Variants in MYOM1 observed in about 807,000 individuals in gnomAD.
MYOM1 encodes the protein myomesin 1, also known as myomesin-1.
In MYOM1, 164 loss-of-function variants were observed where a neutral mutation model predicts 205.3. The observed-to-expected ratio is 0.80, with a 90% CI of 0.70 to 0.91. MYOM1 has a LOEUF of 0.91. Among genes scored for constraint, MYOM1 ranks in the 40% least tolerant of loss-of-function variants. MYOM1 has a pLI of 0.00. For synonymous variants in MYOM1, 772 were observed against 789.4 expected (o/e 0.98, Z 0.37); for missense variants, 2,011 against 2,127.3 (o/e 0.95, Z 1.08).
At chr18:3,190,977 A>G (rs920289838) in intron 3 of MYOM1, among the ~76,000 whole-genome samples, 7 of 151,962 alleles carry the variant, frequency 4.6e-5, no homozygotes, top group South Asian at 4.2e-4. Context: ...CTAAACTTCG[A>G]AAAAAAACTA....
intron 2 of MYOM1, among the ~76,000 whole-genome samples, chr18:3,194,482 T>C (rs2080966153): frequency 1.3e-5 from 2 of 152,226 alleles, no homozygotes; most frequent in Non-Finnish European, 2.9e-5. Context: ...ACATATTTTA[T>C]GGGAACACAC....
chr18:3,220,535 G>A (rs1168377125), upstream of MYOM1, among the ~76,000 whole-genome samples: 2 of 152,122 alleles, frequency 1.3e-5, no homozygotes, highest in South Asian at 2.1e-4. Flanking sequence ...CTTTTGAGAC[G>A]CAACTCAGTG....
Position 3,086,160 on chromosome 18 carries a change from A to T in MYOM1, c.4138-9T>A, listed in dbSNP as rs1237392646. 1 of 1,527,118 alleles carries T rather than the reference A, an allele frequency of 6.5e-7. No homozygotes were observed. The highest frequency in any genetic ancestry group is 2.3e-5 in the East Asian group (1 of 44,136). The allele number at this position is 1,527,118 out of a possible 1,614,324, so 94.6% of individuals were successfully genotyped here. On this transcript the variant is annotated splice_polypyrimidine_tract_variant and intron_variant, in intron 29 of 37. Transcript: ENST00000356443. ...TTCTTAATATTTGCCACCTAGGAGA[A>T]AAACCATAATTACTTTTCTTAAAAT... is the stretch of plus-strand genomic sequence containing the variant.
Position 3,129,363 on chromosome 18 carries a change from G to A in MYOM1, c.2663C>T (p.Ser888Phe). 1 of 1,613,980 alleles carries A rather than the reference G, an allele frequency of 6.2e-7. No homozygotes were observed. Among genetic ancestry groups the A allele is most frequent in the Non-Finnish European group, 8.5e-7 (1 of 1,179,898 alleles). Residue 888 changes from serine to phenylalanine, a missense_variant, in exon 18 of 38, where the codon TCT becomes TTT. Transcript: ENST00000356443. ...CACTTCTGTTTGGCCCAGGTTTTGA[G>A]AGCTACTGGGTAGTGAAGGTTTGTT... is the stretch of plus-strand genomic sequence containing the variant. ...KPNKPSLPSSSQNLGQTEVSK... is the reference protein window; with the variant it reads ...KPNKPSLPSSFQNLGQTEVSK...
intron 8 of MYOM1, among the ~76,000 whole-genome samples, chr18:3,173,594 G>C (rs887326482): frequency 6.6e-6 from 1 of 151,564 alleles, no homozygotes; most frequent in Non-Finnish European, 1.5e-5. Flanking sequence ...GTGTGTGTGT[G>C]TGTGTGTGTG....
intron 10 of MYOM1, among the ~76,000 whole-genome samples, chr18:3,162,585 A>C (rs2080407551): frequency 6.6e-6 from 1 of 152,058 alleles, no homozygotes; most frequent in African/African-American, 2.4e-5. Flanking sequence ...CCTCTACTAG[A>C]TCTCTTCTTA....
intron 8 of MYOM1, 45 bp downstream of exon 8, chr18:3,173,893 A>T: frequency 6.4e-7 from 1 of 1,553,468 alleles, no homozygotes; most frequent in Non-Finnish European, 8.9e-7. Flanking sequence ...ATTATGCCAT[A>T]TTTTACATAG....
chr18:3,070,892 G>C (rs997925539), intron 37 of MYOM1, among the ~76,000 whole-genome samples: 2 of 151,818 alleles, frequency 1.3e-5, no homozygotes, highest in Non-Finnish European at 2.9e-5. Context: ...CCGAGTAGCT[G>C]GGACTACAGG....
chr18:3,246,735 G>A, the MYOM1 span: 8 of 152,286 alleles, frequency 5.3e-5, no homozygotes, highest in African/African-American at 7.2e-5. Context: ...ACTTCAGAAG[G>A]GTTCTGGCCA....
rs773389853 is a variant in MYOM1 at position 3,130,039 on chromosome 18, G to A, written c.2507-520C>T. ...CATTATAAGGAATCTTCCTTCCTTC[G>A]TTTTCTTTCTTCTTTTTTTTTTTTT... On this transcript the variant is annotated intron_variant, in intron 17 of 37. Transcript: ENST00000356443. Among the ~76,000 whole-genome samples the A allele has an allele frequency of 5.3e-5, 8 of 151,142 alleles. No individual in the cohort carries two copies. The East Asian group carries it at 5.8e-4, about 11-fold the overall frequency.
intron 18 of MYOM1, among the ~76,000 whole-genome samples, chr18:3,127,305 A>ATATTTTTTTTTTTTTT (rs56880961): frequency 2.1e-5 from 1 of 47,580 alleles, no homozygotes; most frequent in Non-Finnish European, 3.6e-5. Flanking sequence ...ATATATATAT[A>ATATTTTTTTTTTTTTT]TTTTTTTTTT....
intron 2 of MYOM1, among the ~76,000 whole-genome samples, chr18:3,198,308 T>A (rs2081019245): frequency 6.6e-6 from 1 of 152,210 alleles, no homozygotes; most frequent in Admixed American, 6.5e-5. Flanking sequence ...CTCCGCTGAC[T>A]GTGCCACCAA....
Position 3,150,185 on chromosome 18 carries a change from G to C in MYOM1, c.1844-984C>G, listed in dbSNP as rs962453289. ...AATGATTCTCCTGCCTCAGCCTCCC[G>C]AGTAGCTGGGATTACAGGCGCCCGC... On this transcript the variant is annotated intron_variant, in intron 12 of 37. Transcript: ENST00000356443. 3.9e-5 allele frequency among the ~76,000 whole-genome samples: 6 copies of C among 152,068 alleles called. No homozygotes were observed. The South Asian group carries it at 8.3e-4, about 21-fold the overall frequency.
chr18:3,150,205 G>A (rs1272237282), intron 12 of MYOM1, among the ~76,000 whole-genome samples: 3 of 151,982 alleles, frequency 2.0e-5, no homozygotes, highest in Non-Finnish European at 4.4e-5. Context: ...GATTACAGGC[G>A]CCCGCCACCA....
rs1241920775 is a variant in MYOM1, at chr18:3,127,282, C to CATATAT, written c.2795-391_2795-386dup. Among the ~76,000 whole-genome samples the CATATAT allele has an allele frequency of 3.3e-3, 196 of 59,468 alleles. 2 individuals carry two copies. Among genetic ancestry groups the CATATAT allele is most frequent in the East Asian group, 0.013 (16 of 1,206 alleles). 39.0% of individuals were successfully genotyped at this position (59,468 alleles called of 152,430 possible). The stretch of plus-strand genomic sequence containing the variant: ...CTGCAATTTGCTTATTCAGAATTTC[C>CATATAT]ATATATATATATATATATATATATT... On this transcript the variant is annotated intron_variant, in intron 18 of 37. Coordinates refer to ENST00000356443, the MANE Select transcript of MYOM1 (RefSeq NM_003803.4).
chr18:3,178,547 T>C (rs974811297), intron 5 of MYOM1, among the ~76,000 whole-genome samples: 1 of 152,218 alleles, frequency 6.6e-6, no homozygotes, highest in Non-Finnish European at 1.5e-5. Flanking sequence ...AGTCAGCTCC[T>C]TCCTTTCCCC....
chr18:3,070,736 T>TGTG (rs2078949184), intron 37 of MYOM1, among the ~76,000 whole-genome samples: 1 of 146,102 alleles, frequency 6.8e-6, no homozygotes, highest in Admixed American at 6.9e-5. Flanking sequence ...TGCATGTTCT[T>TGTG]TGTGTGTGTG....
Position 3,190,756 on chromosome 18 carries a change from T to C in MYOM1, c.432-1669A>G, listed in dbSNP as rs1002883060. Among the ~76,000 whole-genome samples, 13 of 152,182 alleles carry C rather than the reference T, an allele frequency of 8.5e-5. No homozygotes were observed. The South Asian group carries it at 2.1e-3, about 24-fold the overall frequency. On this transcript the variant is annotated intron_variant, in intron 3 of 37. Coordinates refer to ENST00000356443, the MANE Select transcript of MYOM1 (RefSeq NM_003803.4). ...ATTTGCTTGGAATTCTCTATGGAAGTCAATATGCAATAGGGAGATGTGAAA... is the reference window on the plus strand; with the variant it reads ...ATTTGCTTGGAATTCTCTATGGAAGCCAATATGCAATAGGGAGATGTGAAA...
chr18:3,211,243 G>A (rs2081187325), intron 2 of MYOM1, among the ~76,000 whole-genome samples: 1 of 152,160 alleles, frequency 6.6e-6, no homozygotes, highest in African/African-American at 2.4e-5. Flanking sequence ...CACCTTTTCT[G>A]TAAACATCTG....
Sources: gnomAD v4.1 joint callset for allele counts (sites outside exome capture counted in the v4.1 genomes callset) on GRCh38, gnomAD v4.1.1 for gene constraint, MANE v1.5 for transcripts, NCBI Gene and HGNC (gene_info 2026-07-23, HGNC 2026-07-21) for gene names.